The following DCLK1 variants were observed in gnomAD, a reference collection of about 807,000 sequenced individuals.
DCLK1 encodes the protein serine/threonine-protein kinase DCLK1.
In DCLK1, 16 loss-of-function variants were observed where a neutral mutation model predicts 86.2. The ratio of observed to expected loss-of-function variants is 0.19; its 90% CI spans 0.13 to 0.28. The LOEUF (loss-of-function observed/expected upper bound fraction) is 0.28, where lower values mean the gene tolerates loss of function less well. Ranked by LOEUF, DCLK1 falls within the 10% of genes least tolerant of loss-of-function variation. The probability of loss-of-function intolerance (pLI) is 1.00; values close to 1 mark genes in which losing one functional copy is unlikely to be tolerated. For synonymous variants in DCLK1, 369 were observed against 370.5 expected (o/e 1.00, Z 0.05); for missense variants, 590 against 940.2 (o/e 0.63, Z 4.87).
At chr13:35,842,363 A>T (rs1869872182) in intron 6 of DCLK1, among the ~76,000 whole-genome samples, 1 of 151,076 alleles carries the variant, frequency 6.6e-6, no homozygotes, top group Admixed American at 6.6e-5. Flanking sequence ...TCCACTTTTC[A>T]CATGACAGTG....
intron 4 of DCLK1, among the ~76,000 whole-genome samples, chr13:35,926,417 C>G (rs1266990123): frequency 6.6e-6 from 1 of 152,170 alleles, no homozygotes; most frequent in African/African-American, 2.4e-5. Flanking sequence ...AACAGTGCGC[C>G]ACATGCTGGA....
intron 12 of DCLK1, among the ~76,000 whole-genome samples, chr13:35,810,317 A>G (rs552081681): frequency 6.6e-6 from 1 of 152,304 alleles, no homozygotes; most frequent in East Asian, 1.9e-4. Context: ...TTCTCCCCAC[A>G]TTCATCTGAT....
intron 5 of DCLK1, among the ~76,000 whole-genome samples, chr13:35,866,616 A>AT (rs34743728): frequency 0.23 from 31,041 of 135,256 alleles, 3,553 homozygotes; most frequent in Admixed American, 0.33. Context: ...TAATTTTTGT[A>AT]TTTTTTTTTT....
At chr13:35,813,932 T>G (rs2087208366) in intron 11 of DCLK1, among the ~76,000 whole-genome samples, 1 of 152,092 alleles carries the variant, frequency 6.6e-6, no homozygotes, top group African/African-American at 2.4e-5. Context: ...TGTCCAGTCC[T>G]CTAGTTTGGA....
At chr13:35,869,037 C>A in intron 5 of DCLK1, 1 of 471,670 alleles carries the variant, frequency 2.1e-6, no homozygotes, top group South Asian at 1.5e-5. Context: ...GTGATCCACC[C>A]CCATCAACCT....
intron 11 of DCLK1, 128 bp downstream of exon 11, chr13:35,822,601 T>G: frequency 7.3e-7 from 1 of 1,366,710 alleles, no homozygotes; most frequent in Middle Eastern, 1.9e-4. Flanking sequence ...AACTAGCTCC[T>G]GAAGGCTAAC....
chr13:36,083,133 T>C (rs1884478742), intron 3 of DCLK1, among the ~76,000 whole-genome samples: 1 of 152,136 alleles, frequency 6.6e-6, no homozygotes, highest in Non-Finnish European at 1.5e-5. Context: ...TCAAAGAGTA[T>C]AAACAATCTA....
chr13:35,883,726 G>A (rs939766106), intron 4 of DCLK1, among the ~76,000 whole-genome samples: 3 of 152,208 alleles, frequency 2.0e-5, no homozygotes, highest in Non-Finnish European at 1.5e-5. Flanking sequence ...GCCTAGGATG[G>A]AGGTGATAGA....
intron 16 of DCLK1, among the ~76,000 whole-genome samples, chr13:35,783,375 G>A (rs1213755767): frequency 2.0e-5 from 3 of 152,008 alleles, no homozygotes; most frequent in African/African-American, 7.3e-5. Context: ...TGCACAAGCA[G>A]CTAATTTAAT....
At chr13:35,859,336 T>C (rs1246588343) in intron 5 of DCLK1, among the ~76,000 whole-genome samples, 1 of 152,228 alleles carries the variant, frequency 6.6e-6, no homozygotes, top group Non-Finnish European at 1.5e-5. Flanking sequence ...TAGGTACATT[T>C]TCTTATTTTA....
At chr13:36,042,259 TA>T (rs1157414396) in intron 3 of DCLK1, among the ~76,000 whole-genome samples, 1 of 152,244 alleles carries the variant, frequency 6.6e-6, no homozygotes, top group Non-Finnish European at 1.5e-5. Flanking sequence ...ACATGGTTAT[TA>T]AATTATGTCT....
At chr13:36,084,994 C>A (rs973593175) in intron 3 of DCLK1, among the ~76,000 whole-genome samples, 2 of 152,234 alleles carry the variant, frequency 1.3e-5, no homozygotes, top group East Asian at 1.9e-4. Context: ...TTTCTCATTA[C>A]CACCATGTGG....
chr13:35,783,741 T>C (rs1046848374), intron 16 of DCLK1, among the ~76,000 whole-genome samples: 8 of 152,032 alleles, frequency 5.3e-5, no homozygotes, highest in Admixed American at 6.6e-5. Context: ...CCCACCACCA[T>C]GCCCAGCTAA....
intron 3 of DCLK1, among the ~76,000 whole-genome samples, chr13:36,013,670 G>T (rs928337923): frequency 3.3e-5 from 5 of 152,180 alleles, no homozygotes; most frequent in Non-Finnish European, 5.9e-5. Context: ...AGAGGTTACT[G>T]CTGTCTTTTT....
At chr13:36,098,130 G>A (rs1232390068) in intron 3 of DCLK1, among the ~76,000 whole-genome samples, 1 of 152,142 alleles carries the variant, frequency 6.6e-6, no homozygotes, top group African/African-American at 2.4e-5. Context: ...TACATTTATT[G>A]ATATTATCCC....
At chr13:35,788,461 A>G (rs942009430) in intron 16 of DCLK1, among the ~76,000 whole-genome samples, 1 of 152,226 alleles carries the variant, frequency 6.6e-6, no homozygotes, top group Non-Finnish European at 1.5e-5. Flanking sequence ...GCAGGAAGTG[A>G]CACCTCATGA....
At chr13:36,060,029 G>C (rs907458441) in intron 3 of DCLK1, among the ~76,000 whole-genome samples, 1 of 151,892 alleles carries the variant, frequency 6.6e-6, no homozygotes, top group African/African-American at 2.4e-5. Flanking sequence ...ACACCACCAA[G>C]CCCGGCTAAT....
intron 6 of DCLK1, chr13:35,846,456 A>G: frequency 1.0e-6 from 1 of 985,334 alleles, no homozygotes; most frequent in Non-Finnish European, 1.2e-6. Context: ...TATTACATGC[A>G]TCATTTATAC....
At chr13:35,806,936 T>C (rs376964353) in intron 14 of DCLK1, among the ~76,000 whole-genome samples, 1 of 152,202 alleles carries the variant, frequency 6.6e-6, no homozygotes, top group African/African-American at 2.4e-5. Context: ...CATCATTTTC[T>C]ACACAAAGTG....
Sources: gnomAD v4.1 joint callset for allele counts (sites outside exome capture counted in the v4.1 genomes callset) on GRCh38, gnomAD v4.1.1 for gene constraint, MANE v1.5 for transcripts, NCBI Gene and HGNC (gene_info 2026-07-23, HGNC 2026-07-21) for gene names.